The following C2CD3 variants were observed in gnomAD, a reference collection of about 807,000 sequenced individuals.
C2CD3 encodes C2 domain-containing protein 3.
Under a neutral mutation model 234.0 loss-of-function variants are expected in C2CD3, and 148 were observed. That is an observed-to-expected ratio of 0.63 (90% CI 0.55 to 0.72). The LOEUF (loss-of-function observed/expected upper bound fraction) is 0.72, where lower values mean the gene tolerates loss of function less well. C2CD3 is among the 30% of genes least tolerant of loss of function. The pLI is 0.00. For synonymous variants in C2CD3, 1,000 were observed against 1,035.4 expected, an observed-to-expected ratio of 0.97 and a Z score of 0.66; for missense variants, 2,577 against 2,811.5, an observed-to-expected ratio of 0.92 and a Z score of 1.89.
rs1955180905 is a variant in C2CD3 at position 74,078,590 on chromosome 11, T to C, written c.4128A>G (p.Glu1376=). ...AATGCTCAGCAGCTTCCAACACCCG[T>C]TCTCTATCTCCACGATGCGTGAAGG... is the stretch of plus-strand genomic sequence containing the variant. ...SISFTHRGDR[E]RVLEAAEHLG... is the part of the protein sequence containing the mutation. The change falls in exon 23 of 33, where the codon GAA becomes GAG. Residue 1376 remains glutamate (E), a synonymous_variant. Coordinates refer to ENST00000334126, the MANE Select transcript of C2CD3 (RefSeq NM_001286577.2). The C allele has an allele frequency of 6.2e-7, 1 of 1,614,132 alleles. No individual in the cohort carries two copies. The highest frequency in any genetic ancestry group is 8.5e-7 in the Non-Finnish European group (1 of 1,180,020).
At chr11:74,079,133 G>T (rs930292622) in intron 22 of C2CD3, among the ~76,000 whole-genome samples, 1 of 152,214 alleles carries the variant, frequency 6.6e-6, no homozygotes, top group Non-Finnish European at 1.5e-5. Context: ...TACTATGAGT[G>T]CAACAGAAAA....
At position 74,090,928 on chromosome 11, in the gene C2CD3, C is replaced by T. The variant is rs941754645; in HGVS notation, c.3526G>A (p.Asp1176Asn). Residue 1176 changes from aspartate (D) to asparagine (N), a missense_variant, in exon 20 of 33, where the codon GAT becomes AAT. Coordinates refer to ENST00000334126, the MANE Select transcript of C2CD3 (RefSeq NM_001286577.2). ...CTACGCCTGTACCTTAGGCCCACAT[C>T]CAGTAAACCTGAAGAATGAGGACAC... ...ELRNQSSGLL[D>N]VGLRYRRSPR... is the part of the protein sequence containing the mutation. 2 of 1,613,672 alleles carry T rather than the reference C, an allele frequency of 1.2e-6. No individual in the cohort carries two copies. Among genetic ancestry groups the T allele is most frequent in the African/African-American group, 2.7e-5 (2 of 74,866 alleles).
intron 28 of C2CD3, among the ~76,000 whole-genome samples, chr11:74,045,747 A>AT (rs1022504406): frequency 1.3e-5 from 2 of 151,428 alleles, no homozygotes; most frequent in Non-Finnish European, 2.9e-5. Flanking sequence ...AATTTTTTTG[A>AT]TTTTTTGTAG....
At chr11:74,014,984 C>T (rs1183161086) in intron 32 of C2CD3, among the ~76,000 whole-genome samples, 2 of 152,248 alleles carry the variant, frequency 1.3e-5, no homozygotes, top group African/African-American at 4.8e-5. Flanking sequence ...ATCTATCTCC[C>T]TGCCTTCTAG....
intron 7 of C2CD3, among the ~76,000 whole-genome samples, chr11:74,124,862 C>T (rs555720997): frequency 5.9e-5 from 9 of 152,104 alleles, no homozygotes; most frequent in Non-Finnish European, 1.3e-4. Context: ...GTTATGAAGA[C>T]TTTTCCACTT....
At chr11:74,146,569 G>A (rs982839052) in intron 3 of C2CD3, among the ~76,000 whole-genome samples, 1 of 152,082 alleles carries the variant, frequency 6.6e-6, no homozygotes, top group African/African-American at 2.4e-5. Flanking sequence ...TGATGACAAA[G>A]GATGATGATC....
intron 32 of C2CD3, among the ~76,000 whole-genome samples, chr11:74,017,249 G>A (rs1951913682): frequency 6.6e-6 from 1 of 152,156 alleles, no homozygotes; most frequent in Non-Finnish European, 1.5e-5. Context: ...AGGGAACAGG[G>A]ATGGGGTATT....
chr11:74,033,768 G>T lies in C2CD3; in HGVS notation c.6392C>A (p.Ser2131Tyr). 1 of 1,536,366 alleles carries T rather than the reference G, an allele frequency of 6.5e-7. No homozygotes were observed. Among genetic ancestry groups the T allele is most frequent in the South Asian group, 1.2e-5 (1 of 84,054 alleles). Residue 2131 changes from serine to tyrosine, a missense_variant, in exon 31 of 33, where the codon TCC becomes TAC. Transcript: ENST00000334126. ...GGGGTTGACAGCCCTTTCTGGGCTG[G>T]AGAGAAAGCTACTTTTGACCATAAG... ...EELMVKSSFL[S>Y]SPERAVNPHL...
chr11:74,168,224 T>C (rs1378369605), intron 2 of C2CD3, 120 bp downstream of exon 2: 5 of 799,790 alleles, frequency 6.3e-6, no homozygotes, highest in Non-Finnish European at 1.0e-5. Flanking sequence ...AAAAACTCTT[T>C]GACTCTTCAA....
chr11:74,081,442 A>G (rs1457562727), intron 22 of C2CD3, among the ~76,000 whole-genome samples: 1 of 152,226 alleles, frequency 6.6e-6, no homozygotes, highest in Non-Finnish European at 1.5e-5. Context: ...CTCACCAGGT[A>G]TGTGGTTTTG....
At position 74,013,545 on chromosome 11, in the gene C2CD3, C is replaced by T; in HGVS notation, c.6922-20G>A. The T allele has an allele frequency of 7.6e-7, 1 of 1,320,140 alleles. No individual in the cohort carries two copies. Among genetic ancestry groups the T allele is most frequent in the Non-Finnish European group, 9.7e-7 (1 of 1,034,358 alleles). 81.8% of individuals were successfully genotyped at this position (1,320,140 alleles called of 1,614,324 possible). ...CTTGTCCTGGAGAGGAAGAAGTCAG[C>T]TAGGTTACCACTGAGGATATGGCAC... On this transcript the variant is annotated intron_variant, in intron 32 of 32. Coordinates refer to ENST00000334126, the MANE Select transcript of C2CD3 (RefSeq NM_001286577.2).
At chr11:74,159,618 GTGTT>G (rs898645112) in intron 3 of C2CD3, among the ~76,000 whole-genome samples, 3 of 151,538 alleles carry the variant, frequency 2.0e-5, no homozygotes, top group African/African-American at 7.3e-5. Flanking sequence ...CCTGTAAAAT[GTGTT>G]TGTGTTTTAA....
chr11:74,140,419 T>C lies in C2CD3; in HGVS notation c.484-591A>G, dbSNP rs114804121. Among the ~76,000 whole-genome samples the C allele has an allele frequency of 3.6e-3, 547 of 152,338 alleles. 4 individuals are homozygous for C. Among genetic ancestry groups the C allele is most frequent in the African/African-American group, 0.012 (519 of 41,584 alleles). On this transcript the variant is annotated intron_variant, in intron 3 of 32. Transcript: ENST00000334126. ...TTCATGTTTCTACTTAATCTGTATC[T>C]ATCCATTAGCATAATCACCATTTAC...
intron 3 of C2CD3, among the ~76,000 whole-genome samples, chr11:74,144,611 T>C (rs1452278017): frequency 6.6e-6 from 1 of 152,148 alleles, no homozygotes; most frequent in East Asian, 1.9e-4. Flanking sequence ...CCCACTCTCC[T>C]CCTTCAAGTA....
intron 7 of C2CD3, among the ~76,000 whole-genome samples, chr11:74,126,757 T>C (rs1290272545): frequency 6.6e-6 from 1 of 151,818 alleles, no homozygotes; most frequent in Non-Finnish European, 1.5e-5. Context: ...AAAATAAAAA[T>C]AAAAAGACTA....
chr11:74,150,746 T>TA (rs1213846859), intron 3 of C2CD3, among the ~76,000 whole-genome samples: 1 of 151,844 alleles, frequency 6.6e-6, no homozygotes, highest in East Asian at 1.9e-4. Context: ...GAGGACTCAT[T>TA]AAAAAAACAT....
At position 74,117,048 on chromosome 11, in the gene C2CD3, GTA is replaced by G. The variant is rs1170094543; in HGVS notation, c.1520+1178_1520+1179del. 5.1e-4 allele frequency among the ~76,000 whole-genome samples: 25 copies of G among 49,040 alleles called. 1 individual carries two copies. The highest frequency in any genetic ancestry group is 8.3e-4 in the Non-Finnish European group (19 of 22,756). 32.2% of individuals were successfully genotyped at this position (49,040 alleles called of 152,430 possible). A position where few individuals can be genotyped will look rare whatever the true frequency, so the allele number is the denominator to read the frequency against. On this transcript the variant is annotated intron_variant, in intron 9 of 32. Coordinates refer to ENST00000334126, the MANE Select transcript of C2CD3 (RefSeq NM_001286577.2). ...TGTATATGTATATATACGTGTGTGT[GTA>G]TATATATATGAATATATATATATGA... is the stretch of plus-strand genomic sequence containing the variant.
chr11:74,090,743 T>A (rs1295974013), intron 20 of C2CD3, 70 bp downstream of exon 20: 3 of 1,566,894 alleles, frequency 1.9e-6, no homozygotes, highest in Non-Finnish European at 2.6e-6. Context: ...AAGTTTTGCA[T>A]ATCTGAGCAT....
intron 3 of C2CD3, among the ~76,000 whole-genome samples, chr11:74,155,749 G>T (rs1030241518): frequency 2.0e-5 from 3 of 152,206 alleles, no homozygotes; most frequent in Admixed American, 6.5e-5. Context: ...GAGAAACAAG[G>T]AGTGGCTGTA....
Sources: allele counts gnomAD v4.1 joint callset (sites outside exome capture counted in the v4.1 genomes callset), GRCh38; gene constraint gnomAD v4.1.1; transcripts MANE v1.5; gene names NCBI Gene and HGNC (gene_info 2026-07-23, HGNC 2026-07-21).